Variants in DGKB observed in about 807,000 individuals in gnomAD.
The protein encoded by DGKB is diacylglycerol kinase beta.
Under a neutral mutation model 114.3 loss-of-function variants are expected in DGKB, and 67 were observed. That is an observed-to-expected ratio of 0.59 (90% CI 0.48 to 0.72). DGKB has a LOEUF of 0.72. DGKB is among the 30% of genes least tolerant of loss of function. DGKB has a pLI of 0.00. For missense variants in DGKB, 907 were observed against 975.2 expected, an observed-to-expected ratio of 0.93 and a Z score of 0.93; for synonymous variants, 398 against 323.1, an observed-to-expected ratio of 1.23 and a Z score of -2.49.
intron 23 of DGKB, among the ~76,000 whole-genome samples, chr7:14,224,152 T>G (rs80085608): frequency 0.087 from 13,160 of 151,894 alleles, 823 homozygotes; most frequent in East Asian, 0.21. Flanking sequence ...TCCCTTCTAG[T>G]ACTCCATCTT....
At chr7:14,221,895 C>T (rs76499352) in intron 23 of DGKB, among the ~76,000 whole-genome samples, 1,829 of 151,280 alleles carry the variant, frequency 0.012, 37 homozygotes, top group African/African-American at 0.042. Flanking sequence ...TAGTTTGTGT[C>T]TTTCTAAGAG....
intron 21 of DGKB, among the ~76,000 whole-genome samples, chr7:14,406,855 G>A (rs1421486425): frequency 6.6e-6 from 1 of 152,108 alleles, no homozygotes; most frequent in Non-Finnish European, 1.5e-5. Context: ...ATGTAGGAGT[G>A]AAGAGAATAA....
chr7:14,939,208 C>T (rs1785429253), intron 1 of DGKB, among the ~76,000 whole-genome samples: 1 of 152,064 alleles, frequency 6.6e-6, no homozygotes. Context: ...TATTGACATA[C>T]ATAAAAATGA....
intron 20 of DGKB, among the ~76,000 whole-genome samples, chr7:14,552,187 T>C (rs1795197354): frequency 6.6e-6 from 1 of 152,138 alleles, no homozygotes; most frequent in African/African-American, 2.4e-5. Context: ...TGTGTAATGT[T>C]TTACCTCCAA....
rs1046481260 is a variant in DGKB at position 14,651,144 on chromosome 7, T to C, written c.1135-20876A>G. 5.3e-5 allele frequency among the ~76,000 whole-genome samples: 8 copies of C among 152,262 alleles called. No individual in the cohort carries two copies. In the South Asian group the frequency reaches 1.0e-3, roughly 20 times the overall value. ...AAGAGGGAATCCTCCCTAACTCATT[T>C]GATGAGGCCAGCATCATTCTGATAC... is the stretch of plus-strand genomic sequence containing the variant. On this transcript the variant is annotated intron_variant, in intron 13 of 25. Transcript: ENST00000402815.
intron 19 of DGKB, among the ~76,000 whole-genome samples, chr7:14,578,535 G>C (rs764240194): frequency 1.3e-5 from 2 of 152,064 alleles, no homozygotes; most frequent in Non-Finnish European, 2.9e-5. Flanking sequence ...TGCTCAACTT[G>C]GGCATCTTGA....
At chr7:14,646,580 T>C (rs558642275) in intron 13 of DGKB, among the ~76,000 whole-genome samples, 2 of 152,262 alleles carry the variant, frequency 1.3e-5, no homozygotes, top group South Asian at 4.1e-4. Flanking sequence ...AAGGATAGAC[T>C]GTATCTTAGG....
chr7:14,680,140 T>C (rs1225357031), intron 12 of DGKB, among the ~76,000 whole-genome samples: 1 of 151,960 alleles, frequency 6.6e-6, no homozygotes, highest in African/African-American at 2.4e-5. Context: ...AGCCTTTTTT[T>C]TTCTTTCTGA....
chr7:14,613,753 C>T (rs1034280222), intron 15 of DGKB, among the ~76,000 whole-genome samples: 2 of 151,818 alleles, frequency 1.3e-5, no homozygotes, highest in Non-Finnish European at 2.9e-5. Context: ...AGCCAGAATA[C>T]AGCAGAATTT....
intron 2 of DGKB, among the ~76,000 whole-genome samples, chr7:14,778,232 T>C (rs879879078): frequency 2.0e-5 from 3 of 152,222 alleles, no homozygotes; most frequent in South Asian, 2.1e-4. Context: ...TTGGAACTTA[T>C]TGTTATTTTA....
intron 13 of DGKB, among the ~76,000 whole-genome samples, chr7:14,642,799 T>C (rs1012351970): frequency 2.6e-5 from 4 of 152,332 alleles, no homozygotes; most frequent in African/African-American, 7.2e-5. Flanking sequence ...TGAATACTGT[T>C]AGCAATAACT....
rs1586698804 is a variant in DGKB, at chr7:14,816,677, G to A, written c.70+24517C>T. On this transcript the variant is annotated intron_variant, in intron 2 of 25. Transcript: ENST00000402815. ...TACTATCTCGTACATTTGATGTAAC[G>A]ATTAAATGAGATGACGAGAGCAAAG... 6 of 152,208 alleles carry A rather than the reference G, an allele frequency of 3.9e-5. No individual in the cohort carries two copies. The Middle Eastern group carries it at 0.01, about 259-fold the overall frequency. 9.4% of individuals were successfully genotyped at this position (152,208 alleles called of 1,614,324 possible). A position where few individuals can be genotyped will look rare whatever the true frequency, so the allele number is the denominator to read the frequency against.
intron 6 of DGKB, among the ~76,000 whole-genome samples, chr7:14,702,795 T>G (rs1196901912): frequency 1.3e-5 from 2 of 152,316 alleles, no homozygotes; most frequent in East Asian, 3.9e-4. Context: ...TTTTTGTATT[T>G]AATGGTTACT....
chr7:14,552,325 T>C (rs1037620224), intron 20 of DGKB, among the ~76,000 whole-genome samples: 3 of 152,222 alleles, frequency 2.0e-5, no homozygotes, highest in African/African-American at 7.2e-5. Context: ...GTGATTAAAA[T>C]ATCAAGGAGC....
intron 20 of DGKB, among the ~76,000 whole-genome samples, chr7:14,491,936 T>C (rs1784654274): frequency 6.6e-6 from 1 of 151,832 alleles, no homozygotes; most frequent in Non-Finnish European, 1.5e-5. Flanking sequence ...AGCAAAAATA[T>C]CTCATACCTC....
intron 2 of DGKB, among the ~76,000 whole-genome samples, chr7:14,767,209 T>TA (rs147028134): frequency 8.0e-5 from 12 of 150,664 alleles, no homozygotes; most frequent in South Asian, 4.2e-4. Context: ...AATAAAAAAT[T>TA]AAAAAAAAAA....
chr7:14,882,655 T>A (rs544164114), intron 1 of DGKB, among the ~76,000 whole-genome samples: 1 of 151,958 alleles, frequency 6.6e-6, no homozygotes, highest in Non-Finnish European at 1.5e-5. Flanking sequence ...ATGTGCACAG[T>A]TTTTAGCACC....
intron 18 of DGKB, among the ~76,000 whole-genome samples, chr7:14,581,805 C>T (rs1799974022): frequency 6.6e-6 from 1 of 152,146 alleles, no homozygotes; most frequent in African/African-American, 2.4e-5. Flanking sequence ...AGAATTCCTG[C>T]TGTTTTTCCT....
At chr7:14,518,752 T>C (rs1293407951) in intron 20 of DGKB, among the ~76,000 whole-genome samples, 1 of 151,992 alleles carries the variant, frequency 6.6e-6, no homozygotes, top group Non-Finnish European at 1.5e-5. Flanking sequence ...ACTCAGGAGA[T>C]AAGAATTGTT....
Sources: allele counts gnomAD v4.1 joint callset (sites outside exome capture counted in the v4.1 genomes callset), GRCh38; gene constraint gnomAD v4.1.1; transcripts MANE v1.5; gene names NCBI Gene and HGNC (gene_info 2026-07-23, HGNC 2026-07-21).